The following VDR variants were observed in gnomAD, a reference collection of about 807,000 sequenced individuals.
VDR encodes vitamin D receptor.
Under a neutral mutation model 39.7 loss-of-function variants are expected in VDR, and 19 were observed. The ratio of observed to expected loss-of-function variants is 0.48; its 90% CI spans 0.33 to 0.70. The LOEUF is 0.70. VDR is among the 30% of genes least tolerant of loss of function. VDR has a pLI of 0.02. For missense variants in VDR, 442 were observed against 570.5 expected, an observed-to-expected ratio of 0.77 and a Z score of 2.29; for synonymous variants, 242 against 215.8, an observed-to-expected ratio of 1.12 and a Z score of -1.07.
At chr12:47,846,542 C>G in intron 8 of VDR, 91 bp from the exon 9 acceptor site, 7 of 1,563,820 alleles carry the variant, frequency 4.5e-6, no homozygotes, top group Non-Finnish European at 6.1e-6. Context: ...GCCCTTCTCT[C>G]CCTGTTGGTG....
intron 7 of VDR, among the ~76,000 whole-genome samples, chr12:47,853,969 T>C (rs1480167348): frequency 6.6e-6 from 1 of 152,090 alleles, no homozygotes; most frequent in Non-Finnish European, 1.5e-5. Flanking sequence ...AATATAAGTA[T>C]TATATACAGT....
At chr12:47,880,008 G>C (rs1040652353) in intron 2 of VDR, among the ~76,000 whole-genome samples, 1 of 152,126 alleles carries the variant, frequency 6.6e-6, no homozygotes, top group Admixed American at 6.6e-5. Context: ...TGGGCCCCCA[G>C]CTTTGTCTGC....
At chr12:47,903,233 C>T (rs1245252578) in intron 1 of VDR, among the ~76,000 whole-genome samples, 5 of 152,056 alleles carry the variant, frequency 3.3e-5, no homozygotes, top group Admixed American at 2.6e-4. Context: ...AAACCCAAAG[C>T]CATGGGACCC....
At chr12:47,871,466 C>CT (rs11332250) in intron 3 of VDR, among the ~76,000 whole-genome samples, 4,496 of 114,478 alleles carry the variant, frequency 0.039, 583 homozygotes, top group African/African-American at 0.14. Flanking sequence ...CTCTTTCTTT[C>CT]TTTTTTTTTT....
At position 47,845,016 on chromosome 12, in the gene VDR, G is replaced by A. The variant is rs767957174; in HGVS notation, c.1025-11C>T. On this transcript the variant is annotated splice_polypyrimidine_tract_variant and intron_variant, in intron 9 of 9. Transcript: ENST00000549336. ...GCACCCCAGGACGATCTGTGGGCAC[G>A]GGGATAGAGAAGAAGGCACAGGAGC... 168 of 1,610,314 alleles carry A rather than the reference G, an allele frequency of 1.0e-4. No homozygotes were observed. Among genetic ancestry groups the A allele is most frequent in the Admixed American group, 1.8e-4 (11 of 59,980 alleles).
intron 3 of VDR, among the ~76,000 whole-genome samples, chr12:47,870,753 T>C (rs78419481): frequency 0.02 from 3,072 of 152,256 alleles, 102 homozygotes; most frequent in African/African-American, 0.068. Flanking sequence ...CACTGCACTG[T>C]CACAGAGATT....
At chr12:47,854,062 T>G (rs78814458) in intron 7 of VDR, among the ~76,000 whole-genome samples, 1,654 of 152,320 alleles carry the variant, frequency 0.011, 37 homozygotes, top group African/African-American at 0.038. Context: ...CCTTCTCCAG[T>G]AGAACTCCTT....
chr12:47,865,712 CTCT>C, intron 3 of VDR, among the ~76,000 whole-genome samples: 1 of 116,110 alleles, frequency 8.6e-6, no homozygotes, highest in East Asian at 3.0e-4. Context: ...TGCACTCCGA[CTCT>C]TTTTTTTTTT....
rs1268976297 is a variant in VDR, at chr12:47,843,807, C to A, written c.*939G>T. 3 of 152,114 alleles carry A rather than the reference C, an allele frequency of 2.0e-5. No homozygotes were observed. The highest frequency in any genetic ancestry group is 7.2e-5 in the African/African-American group (3 of 41,392). 9.4% of individuals were successfully genotyped at this position (152,114 alleles called of 1,614,324 possible). On this transcript the variant is annotated 3_prime_UTR_variant, in exon 10 of 10. Transcript: ENST00000549336. ...TGAAAATTCTTCTCCTCCATCCCAC[C>A]CTGCCAGATGGAGAAGATGCGGCTC...
chr12:47,873,364 T>C lies in VDR; in HGVS notation c.146+5604A>G, dbSNP rs1456743825. On this transcript the variant is annotated intron_variant, in intron 3 of 9. Coordinates refer to ENST00000549336, the MANE Select transcript of VDR (RefSeq NM_000376.3). ...TAAACCTGTTTTCTTTTTTTTTTTT[T>C]TTTTTTTTTTTTTTTTGAGACGGAG... 9.5e-3 allele frequency among the ~76,000 whole-genome samples: 1,150 copies of C among 120,710 alleles called. 39 individuals are homozygous for C. The highest frequency in any genetic ancestry group is 0.031 in the African/African-American group (1,051 of 34,370). 79.2% of individuals were successfully genotyped at this position (120,710 alleles called of 152,430 possible). A position where few individuals can be genotyped will look rare whatever the true frequency, so the allele number is the denominator to read the frequency against.
chr12:47,860,246 G>A (rs1338486693), intron 4 of VDR, among the ~76,000 whole-genome samples: 11 of 152,134 alleles, frequency 7.2e-5, no homozygotes, highest in Non-Finnish European at 1.2e-4. Context: ...GATTACAGGC[G>A]TGAGCTACCA....
chr12:47,846,860 C>T (rs1208908267), intron 7 of VDR, 52 bp from the exon 8 acceptor site: 2 of 1,606,760 alleles, frequency 1.2e-6, no homozygotes, highest in Non-Finnish European at 1.7e-6. Context: ...GCCTTCAAGC[C>T]ACACAAATCA....
intron 4 of VDR, among the ~76,000 whole-genome samples, chr12:47,859,924 T>TCC (rs1462754993): frequency 0.01 from 186 of 18,372 alleles, 7 homozygotes; most frequent in East Asian, 0.035. Context: ...CTTCTTTCTT[T>TCC]TTCTTTCTTT....
intron 3 of VDR, among the ~76,000 whole-genome samples, chr12:47,869,035 C>T (rs551145056): frequency 6.5e-4 from 99 of 152,370 alleles, no homozygotes; most frequent in African/African-American, 2.3e-3. Flanking sequence ...CTTCCCCAGG[C>T]TCCAGGGAGC....
At chr12:47,873,228 T>C (rs183986105) in intron 3 of VDR, among the ~76,000 whole-genome samples, 1 of 152,268 alleles carries the variant, frequency 6.6e-6, no homozygotes, top group Admixed American at 6.5e-5. Context: ...CCCCTTCACT[T>C]GCTCTCTGTC....
chr12:47,859,227 A>G (rs181863717), intron 4 of VDR, among the ~76,000 whole-genome samples: 3 of 152,292 alleles, frequency 2.0e-5, no homozygotes, highest in Admixed American at 6.5e-5. Context: ...CAGCCACACC[A>G]TGGTGTCTAC....
chr12:47,897,357 C>T (rs1310258905), intron 1 of VDR, among the ~76,000 whole-genome samples: 2 of 152,182 alleles, frequency 1.3e-5, no homozygotes, highest in African/African-American at 4.8e-5. Context: ...GAAAGAGACA[C>T]TGGGTGGAAT....
chr12:47,880,161 C>T (rs1320271108), intron 2 of VDR, among the ~76,000 whole-genome samples: 4 of 152,242 alleles, frequency 2.6e-5, no homozygotes, highest in African/African-American at 9.6e-5. Flanking sequence ...GTTTCAGTGA[C>T]CCCTTTGACC....
rs2229829 is a variant in VDR, at chr12:47,844,824, G to T, written c.1206C>A (p.Arg402=). 2.8e-4 allele frequency: 450 copies of T among 1,614,218 alleles called. 4 individuals carry two copies. In the East Asian group the frequency reaches 5.8e-3, roughly 21 times the overall value. The stretch of plus-strand genomic sequence containing the variant: ...TGCACTCAGGCTGGAAGGAGAGGCA[G>T]CGGTACTGCTTGGAGTGCTCCTCAT... The part of the protein sequence containing the change: ...SLNEEHSKQY[R]CLSFQPECSM... Residue 402 remains arginine (R), a synonymous_variant, in exon 10 of 10, where the codon CGC becomes CGA. Coordinates refer to ENST00000549336, the MANE Select transcript of VDR (RefSeq NM_000376.3).
Sources: allele counts gnomAD v4.1 joint callset (sites outside exome capture counted in the v4.1 genomes callset), GRCh38; gene constraint gnomAD v4.1.1; transcripts MANE v1.5; gene names NCBI Gene and HGNC (gene_info 2026-07-23, HGNC 2026-07-21).